Variants in ZNF215 observed in about 807,000 individuals in gnomAD.
The protein encoded by ZNF215 is BWSCR2-associated zinc finger protein 2.
In ZNF215, 24 loss-of-function variants were observed where a neutral mutation model predicts 27.2. The ratio of observed to expected loss-of-function variants is 0.88; its 90% confidence interval spans 0.64 to 1.24. The LOEUF (loss-of-function observed/expected upper bound fraction) is 1.24, where lower values mean the gene tolerates loss of function less well. Among genes scored for constraint, ZNF215 ranks in the 50% most tolerant of loss-of-function variants. ZNF215 has a pLI of 0.00. For synonymous variants in ZNF215, 210 were observed against 204.0 expected, an observed-to-expected ratio of 1.03 and a Z score of -0.25; for missense variants, 675 against 605.7, an observed-to-expected ratio of 1.11 and a Z score of -1.20.
chr11:6,929,094 C>T (rs550560463), intron 2 of ZNF215, among the ~76,000 whole-genome samples: 108 of 152,252 alleles, frequency 7.1e-4, no homozygotes, highest in Non-Finnish European at 1.1e-3. Flanking sequence ...AGGAATAGCC[C>T]ATGAAAGGCA....
At chr11:6,929,772 T>C (rs1849185891) in intron 2 of ZNF215, among the ~76,000 whole-genome samples, 2 of 150,960 alleles carry the variant, frequency 1.3e-5, no homozygotes, top group Admixed American at 1.3e-4. Context: ...AAATTTACCT[T>C]CCCCCTCCCC....
intron 5 of ZNF215, among the ~76,000 whole-genome samples, chr11:6,975,425 C>G (rs1850811420): frequency 6.6e-6 from 1 of 151,944 alleles, no homozygotes; most frequent in African/African-American, 2.4e-5. Context: ...TGTACAATTA[C>G]TGACTACAGT....
At chr11:6,989,583 T>G (rs1421339661), downstream of ZNF215, among the ~76,000 whole-genome samples, 1 of 152,142 alleles carries the variant, frequency 6.6e-6, no homozygotes, top group African/African-American at 2.4e-5. Context: ...TGTTTGAGAT[T>G]GATTCAGAGG....
chr11:6,970,946 C>A (rs549438102), intron 5 of ZNF215, among the ~76,000 whole-genome samples: 4 of 152,158 alleles, frequency 2.6e-5, no homozygotes, highest in Admixed American at 2.6e-4. Flanking sequence ...TTATCATGCT[C>A]TTCTTCCTTG....
intron 6 of ZNF215, among the ~76,000 whole-genome samples, chr11:6,954,177 G>A (rs569906081): frequency 7.2e-6 from 1 of 138,308 alleles, no homozygotes; most frequent in African/African-American, 2.6e-5. Context: ...GCTGCTCGGG[G>A]GTCAGGGTTC....
Position 6,956,049 on chromosome 11 carries a change from G to C in ZNF215, c.1072G>C (p.Gly358Arg). 2 of 1,609,336 alleles carry C rather than the reference G, an allele frequency of 1.2e-6. No individual in the cohort carries two copies. Among genetic ancestry groups the C allele is most frequent in the Non-Finnish European group, 1.7e-6 (2 of 1,178,410 alleles). Residue 358 changes from glycine (G) to arginine (R), a missense_variant, in exon 7 of 7, where the codon GGG becomes CGG. Gly to Arg is a moderately radical substitution (Grantham distance 125). Coordinates refer to ENST00000278319, the MANE Select transcript of ZNF215 (RefSeq NM_013250.4). ...TAAGCAACATTCAGAATATGAATAT[G>C]GGAATGACTTGAGTTTGAGTACAGA... The part of the protein sequence containing the change: ...VGKQHSEYEY[G>R]NDLSLSTDIR...
intron 6 of ZNF215, 25 bp from the exon 7 acceptor site, chr11:6,955,665 C>A: frequency 1.3e-6 from 2 of 1,526,952 alleles, no homozygotes; most frequent in South Asian, 1.3e-5. Flanking sequence ...CCTTCTAGTT[C>A]ATGGCATTTT....
chr11:6,966,516 T>C (rs1850621195), intron 5 of ZNF215, among the ~76,000 whole-genome samples: 1 of 152,098 alleles, frequency 6.6e-6, no homozygotes, highest in Non-Finnish European at 1.5e-5. Context: ...AAAATGTTTA[T>C]ATCATCTAAG....
intron 4 of ZNF215, among the ~76,000 whole-genome samples, chr11:6,942,159 C>G (rs1247006684): frequency 6.6e-6 from 1 of 152,092 alleles, no homozygotes; most frequent in East Asian, 1.9e-4. Context: ...CTAAGCCAGA[C>G]TGTGGTGTGT....
downstream of ZNF215, among the ~76,000 whole-genome samples, chr11:6,985,291 GA>G (rs970291493): frequency 6.6e-6 from 1 of 151,894 alleles, no homozygotes; most frequent in South Asian, 2.1e-4. Flanking sequence ...TAATTAAAAG[GA>G]AAAAAACTAA....
chr11:6,932,537 G>A lies in ZNF215; in HGVS notation c.265G>A (p.Glu89Lys), dbSNP rs200639968. The part of the protein sequence containing the change: ...PEIHTKKQII[E>K]LLVLEQFLAI... ...GATTCATACAAAGAAGCAGATTATA[G>A]AACTGTTGGTGCTGGAACAATTCCT... is the stretch of plus-strand genomic sequence containing the variant. Residue 89 changes from glutamate to lysine, a missense_variant, in exon 3 of 7, where the codon GAA (glutamate) becomes AAA (lysine). Transcript: ENST00000278319. 6.2e-7 allele frequency: 1 copy of A among 1,614,178 alleles called. No homozygotes were observed. Among genetic ancestry groups the A allele is most frequent in the South Asian group, 1.1e-5 (1 of 91,080 alleles).
At chr11:6,927,421 C>G (rs1274337728) in intron 1 of ZNF215, among the ~76,000 whole-genome samples, 1 of 152,112 alleles carries the variant, frequency 6.6e-6, no homozygotes, top group Non-Finnish European at 1.5e-5. Flanking sequence ...TAGAAATAAC[C>G]CTCTTCACAG....
intron 5 of ZNF215, among the ~76,000 whole-genome samples, chr11:6,973,957 G>C (rs1353351239): frequency 2.0e-5 from 3 of 152,168 alleles, no homozygotes; most frequent in African/African-American, 4.8e-5. Flanking sequence ...TTTTAGACAT[G>C]AAGTCCTTGC....
chr11:6,940,382 G>C (rs572803623), intron 3 of ZNF215, among the ~76,000 whole-genome samples: 2 of 152,268 alleles, frequency 1.3e-5, no homozygotes, highest in African/African-American at 4.8e-5. Context: ...ACCACTCACT[G>C]CAGCCTCTAC....
chr11:6,977,798 A>G (rs531287209), intron 5 of ZNF215, among the ~76,000 whole-genome samples: 1 of 152,198 alleles, frequency 6.6e-6, no homozygotes, highest in South Asian at 2.1e-4. Flanking sequence ...TTGTGACAAC[A>G]AACCCACTCC....
Position 6,956,286 on chromosome 11 carries a change from A to C in ZNF215, c.1309A>C (p.Ser437Arg), listed in dbSNP as rs1321566380. ...KLHAEAKACT[S>R]NKCGKAFSKS... ...TCATGCTGAAGCAAAGGCCTGCACA[A>C]GCAATAAATGTGGAAAGGCCTTCAG... The change falls in exon 7 of 7, where the codon AGC becomes CGC. Residue 437 changes from serine (S) to arginine (R), a missense_variant. Ser to Arg is a moderately radical substitution (Grantham distance 110). Transcript: ENST00000278319. 5 of 1,614,068 alleles carry C rather than the reference A, an allele frequency of 3.1e-6. No individual in the cohort carries two copies. The highest frequency in any genetic ancestry group is 4.2e-6 in the Non-Finnish European group (5 of 1,180,044).
chr11:6,970,788 G>A (rs1237895508), intron 5 of ZNF215, among the ~76,000 whole-genome samples: 3 of 152,060 alleles, frequency 2.0e-5, no homozygotes, highest in Non-Finnish European at 4.4e-5. Flanking sequence ...CATATGCTCT[G>A]CTTCTTACTG....
chr11:6,949,988 G>A (rs1399481775), intron 6 of ZNF215, among the ~76,000 whole-genome samples: 6 of 151,856 alleles, frequency 4.0e-5, no homozygotes, highest in Non-Finnish European at 8.8e-5. Context: ...ATTAAATAGG[G>A]AATCCTTTCC....
intron 2 of ZNF215, among the ~76,000 whole-genome samples, chr11:6,931,098 C>T (rs1389448389): frequency 6.6e-6 from 1 of 152,140 alleles, no homozygotes; most frequent in Non-Finnish European, 1.5e-5. Flanking sequence ...GGTAAAATAT[C>T]CTGACTGAGA....
Sources: allele counts gnomAD v4.1 joint callset (sites outside exome capture counted in the v4.1 genomes callset), GRCh38; gene constraint gnomAD v4.1.1; transcripts MANE v1.5; gene names NCBI Gene and HGNC (gene_info 2026-07-23, HGNC 2026-07-21).